The following MRPS31 variants were observed in gnomAD, a reference collection of about 807,000 sequenced individuals.
MRPS31 encodes mitochondrial ribosomal protein S31.
Under a neutral mutation model 43.1 loss-of-function variants are expected in MRPS31, and 32 were observed. That is an observed-to-expected ratio of 0.74 (90% CI 0.56 to 1.00). The LOEUF is 1.00. Among genes scored for constraint, MRPS31 ranks in the 50% least tolerant of loss-of-function variants. The pLI, the probability that MRPS31 is intolerant of heterozygous loss-of-function variation, is 0.00. For synonymous variants in MRPS31, 165 were observed against 161.6 expected (o/e 1.02, Z -0.16); for missense variants, 437 against 466.7 (o/e 0.94, Z 0.59).
intron 1 of MRPS31, among the ~76,000 whole-genome samples, chr13:40,768,152 T>C (rs1880902290): frequency 6.6e-6 from 1 of 152,242 alleles, no homozygotes; most frequent in African/African-American, 2.4e-5. Flanking sequence ...GGTATTTGAC[T>C]ACTGAAGAAT....
chr13:40,729,690 A>ACCT, intron 6 of MRPS31, 89 bp from the exon 7 acceptor site: 1 of 900,256 alleles, frequency 1.1e-6, no homozygotes, highest in Non-Finnish European at 1.7e-6. Flanking sequence ...ATATAATATT[A>ACCT]CAGTTTAAGG....
intron 3 of MRPS31, 120 bp downstream of exon 3, chr13:40,758,828 T>C: frequency 1.1e-6 from 1 of 922,908 alleles, no homozygotes; most frequent in Non-Finnish European, 1.5e-6. Flanking sequence ...AATTATGTGG[T>C]ATATTTTATA....
intron 2 of MRPS31, among the ~76,000 whole-genome samples, chr13:40,765,208 T>C (rs1011987264): frequency 6.6e-6 from 1 of 152,230 alleles, no homozygotes; most frequent in Non-Finnish European, 1.5e-5. Context: ...AAGACACATC[T>C]TTTATATACA....
Position 40,766,764 on chromosome 13 carries a change from T to G in MRPS31, c.422A>C (p.Glu141Ala), listed in dbSNP as rs371403521. 20 of 1,609,956 alleles carry G rather than the reference T, an allele frequency of 1.2e-5. No individual in the cohort carries two copies. Among genetic ancestry groups the G allele is most frequent in the Non-Finnish European group, 1.7e-5 (20 of 1,178,708 alleles). The change falls in exon 2 of 7, where the codon GAA becomes GCA. Residue 141 changes from glutamate (E) to alanine (A), a missense_variant. Glu to Ala is a moderately radical substitution (Grantham distance 107). Coordinates refer to ENST00000323563, the MANE Select transcript of MRPS31 (RefSeq NM_005830.4). The part of the protein sequence containing the change: ...ATLGRLRRAT[E>A]YAPKKRIEPL... Reference sequence around the variant, plus strand: ...AATTTACCTCTTCTTTGGAGCATATTCTGTAGCTCTTCGAAGCCTGCCAAG... The same window carrying G: ...AATTTACCTCTTCTTTGGAGCATATGCTGTAGCTCTTCGAAGCCTGCCAAG...
At chr13:40,767,121 A>T in intron 1 of MRPS31, 88 bp from the exon 2 acceptor site, 1 of 1,079,044 alleles carries the variant, frequency 9.3e-7, no homozygotes, top group Non-Finnish European at 1.3e-6. Flanking sequence ...GTAAAAAACT[A>T]TGTATCTAAG....
At chr13:40,757,206 A>C (rs771257408) in intron 3 of MRPS31, among the ~76,000 whole-genome samples, 193 bp from the exon 4 acceptor site, 1 of 152,218 alleles carries the variant, frequency 6.6e-6, no homozygotes, top group Non-Finnish European at 1.5e-5. Context: ...ATTTATGTTT[A>C]CTTTCATCTT....
chr13:40,751,738 A>G (rs1880396630), intron 5 of MRPS31, among the ~76,000 whole-genome samples: 1 of 152,204 alleles, frequency 6.6e-6, no homozygotes, highest in African/African-American at 2.4e-5. Context: ...CTATTCTTGT[A>G]TTTAATTGGG....
At chr13:40,762,038 T>C (rs1398132766) in intron 2 of MRPS31, among the ~76,000 whole-genome samples, 1 of 151,376 alleles carries the variant, frequency 6.6e-6, no homozygotes. Flanking sequence ...GTCCAGGAGT[T>C]CATGACCAGC....
At chr13:40,756,772 A>T in intron 4 of MRPS31, 101 bp downstream of exon 4, 1 of 1,282,032 alleles carries the variant, frequency 7.8e-7, no homozygotes, top group Non-Finnish European at 1.1e-6. Context: ...ATGTTCAGAT[A>T]TCCAACAGCA....
intron 6 of MRPS31, among the ~76,000 whole-genome samples, chr13:40,746,658 T>C (rs746709626): frequency 2.6e-5 from 4 of 152,234 alleles, no homozygotes; most frequent in Non-Finnish European, 4.4e-5. Context: ...GATGACAACA[T>C]ACCATGAGTT....
intron 5 of MRPS31, among the ~76,000 whole-genome samples, chr13:40,750,623 T>A (rs981861668): frequency 6.6e-6 from 1 of 151,670 alleles, no homozygotes; most frequent in Non-Finnish European, 1.5e-5. Context: ...TTAGTTATTT[T>A]ACCAACATCT....
At chr13:40,738,443 C>T (rs1879987225) in intron 6 of MRPS31, among the ~76,000 whole-genome samples, 1 of 151,790 alleles carries the variant, frequency 6.6e-6, no homozygotes, top group Non-Finnish European at 1.5e-5. Flanking sequence ...TTTTATGAGG[C>T]CAGCATCATT....
chr13:40,743,585 G>A, intron 6 of MRPS31, among the ~76,000 whole-genome samples: 1 of 152,054 alleles, frequency 6.6e-6, no homozygotes, highest in East Asian at 1.9e-4. Context: ...CACATGGCCA[G>A]CAAACATATG....
intron 3 of MRPS31, among the ~76,000 whole-genome samples, chr13:40,758,653 G>C (rs546017712): frequency 6.6e-6 from 1 of 152,088 alleles, no homozygotes; most frequent in African/African-American, 2.4e-5. Flanking sequence ...TCTCAGAGAA[G>C]CTACTTTATT....
intron 5 of MRPS31, among the ~76,000 whole-genome samples, chr13:40,749,770 A>G (rs976044506): frequency 1.3e-5 from 2 of 152,204 alleles, no homozygotes; most frequent in African/African-American, 4.8e-5. Flanking sequence ...TAGTGCATGT[A>G]ATCCTCACAA....
At chr13:40,761,886 C>A (rs1880705090) in intron 2 of MRPS31, among the ~76,000 whole-genome samples, 1 of 148,592 alleles carries the variant, frequency 6.7e-6, no homozygotes, top group African/African-American at 2.5e-5. Context: ...CTAGCAATTC[C>A]ACTTCTAAGA....
At chr13:40,757,590 G>A (rs567027672) in intron 3 of MRPS31, among the ~76,000 whole-genome samples, 4 of 151,404 alleles carry the variant, frequency 2.6e-5, no homozygotes, top group African/African-American at 4.8e-5. Flanking sequence ...GACTACAGGC[G>A]TGTGCCACCA....
At chr13:40,756,837 C>A in intron 4 of MRPS31, 36 bp downstream of exon 4, 1 of 1,607,638 alleles carries the variant, frequency 6.2e-7, no homozygotes, top group South Asian at 1.1e-5. Flanking sequence ...AAACAAACTA[C>A]ACAAACAAAA....
chr13:40,735,448 C>T (rs1459476399), intron 6 of MRPS31, among the ~76,000 whole-genome samples: 1 of 152,160 alleles, frequency 6.6e-6, no homozygotes. Flanking sequence ...GGAGGCCTGC[C>T]TGCCTCTGTA....
Sources: allele counts gnomAD v4.1 joint callset (sites outside exome capture counted in the v4.1 genomes callset), GRCh38; gene constraint gnomAD v4.1.1; transcripts MANE v1.5; gene names NCBI Gene and HGNC (gene_info 2026-07-23, HGNC 2026-07-21).